Variants in GRID2 observed in about 807,000 individuals in gnomAD.
GRID2 encodes the protein glutamate receptor ionotropic, delta-2.
GRID2 carries 33 observed loss-of-function variants against 114.8 expected under a neutral mutation model. That is an observed-to-expected ratio of 0.29 (90% CI 0.22 to 0.38). The LOEUF is 0.38. Ranked by LOEUF, GRID2 falls within the 10% of genes least tolerant of loss-of-function variation. GRID2 has a pLI of 1.00. For synonymous variants in GRID2, 505 were observed against 449.9 expected, an observed-to-expected ratio of 1.12 and a Z score of -1.55; for missense variants, 1,184 against 1,257.7, an observed-to-expected ratio of 0.94 and a Z score of 0.89.
chr4:93,463,858 G>A lies in GRID2; in HGVS notation c.1858+7884G>A, dbSNP rs575653664. ...CAAAAAATTAGCCAGGCGTGGTGGC[G>A]GGCACCTGTAGTCCCAGCTACTCGG... On this transcript the variant is annotated intron_variant, in intron 11 of 15. Transcript: ENST00000282020. Among the ~76,000 whole-genome samples, 81 of 151,982 alleles carry A rather than the reference G, an allele frequency of 5.3e-4. 1 individual carries two copies. The highest frequency in any genetic ancestry group is 2.6e-4 in the Non-Finnish European group (18 of 67,930).
chr4:93,422,671 A>G (rs1768408562), intron 9 of GRID2, 100 bp from the exon 10 acceptor site: 2 of 730,316 alleles, frequency 2.7e-6, no homozygotes, highest in African/African-American at 3.6e-5. Context: ...TCAAAGTATA[A>G]AACAATTTTT....
chr4:92,642,331 A>G (rs565098280), intron 2 of GRID2, among the ~76,000 whole-genome samples: 10 of 151,876 alleles, frequency 6.6e-5, no homozygotes, highest in African/African-American at 7.2e-5. Flanking sequence ...AATAGTAGCC[A>G]TTCTGACTGG....
At chr4:92,375,632 AT>A (rs147006378) in intron 1 of GRID2, among the ~76,000 whole-genome samples, 18 of 151,944 alleles carry the variant, frequency 1.2e-4, no homozygotes, top group African/African-American at 1.5e-4. Context: ...TGTTGAACAC[AT>A]TTTTTTTGTG....
chr4:92,677,743 T>C (rs1579824212), intron 2 of GRID2, among the ~76,000 whole-genome samples: 2 of 152,118 alleles, frequency 1.3e-5, no homozygotes, highest in East Asian at 3.9e-4. Flanking sequence ...TATCCAGGAT[T>C]AGATCACTTC....
intron 2 of GRID2, among the ~76,000 whole-genome samples, chr4:92,806,245 T>C (rs1466421541): frequency 6.7e-6 from 1 of 150,158 alleles, no homozygotes; most frequent in Non-Finnish European, 1.5e-5. Context: ...TTCGTTACCT[T>C]AAGAGATTCC....
In GRID2 at chr4:92,317,851, C is replaced by T. The variant is rs367937380; in HGVS notation, c.88+13107C>T. On this transcript the variant is annotated intron_variant, in intron 1 of 15. Transcript: ENST00000282020. ...GAATATTATCACTGAAAAAAACTGCCCTCCAGGGGTAATGCTGCTGACAAC... is the reference window on the plus strand; with the variant it reads ...GAATATTATCACTGAAAAAAACTGCTCTCCAGGGGTAATGCTGCTGACAAC... 1.7e-3 allele frequency among the ~76,000 whole-genome samples: 258 copies of T among 152,226 alleles called. 2 individuals are homozygous for T. Among genetic ancestry groups the T allele is most frequent in the African/African-American group, 5.8e-3 (243 of 41,544 alleles).
chr4:92,455,351 G>A (rs1207027597), intron 1 of GRID2, among the ~76,000 whole-genome samples: 3 of 152,058 alleles, frequency 2.0e-5, no homozygotes, highest in Non-Finnish European at 4.4e-5. Flanking sequence ...TATATTCAGA[G>A]AAAATCTTAT....
intron 2 of GRID2, among the ~76,000 whole-genome samples, chr4:92,638,203 C>T (rs1731166210): frequency 6.6e-6 from 1 of 151,506 alleles, no homozygotes; most frequent in Non-Finnish European, 1.5e-5. Flanking sequence ...AAAATAAATA[C>T]ATGAGTGTAA....
At chr4:92,646,924 C>G (rs62309179) in intron 2 of GRID2, among the ~76,000 whole-genome samples, 7,377 of 148,234 alleles carry the variant, frequency 0.05, 298 homozygotes, top group East Asian at 0.14. Flanking sequence ...TTTCCTCAAG[C>G]CTTTATCCTA....
At chr4:92,488,707 C>T (rs894452267) in intron 1 of GRID2, among the ~76,000 whole-genome samples, 4 of 152,122 alleles carry the variant, frequency 2.6e-5, no homozygotes, top group African/African-American at 7.2e-5. Context: ...AAGAACGTAC[C>T]TCTTGTGCCT....
chr4:93,332,621 T>C (rs917507649), intron 8 of GRID2, among the ~76,000 whole-genome samples: 1 of 152,098 alleles, frequency 6.6e-6, no homozygotes, highest in African/African-American at 2.4e-5. Flanking sequence ...AATGTTATAT[T>C]AGCAAAAGAC....
intron 2 of GRID2, among the ~76,000 whole-genome samples, chr4:92,763,095 C>G (rs1256636209): frequency 6.6e-6 from 1 of 152,164 alleles, no homozygotes; most frequent in Admixed American, 6.5e-5. Flanking sequence ...TTTTTACCCT[C>G]TCAGCTAGGT....
At chr4:92,700,156 C>G (rs1473429228) in intron 2 of GRID2, among the ~76,000 whole-genome samples, 2 of 152,106 alleles carry the variant, frequency 1.3e-5, no homozygotes, top group Non-Finnish European at 2.9e-5. Context: ...TAGGAGTTTT[C>G]CTCTCAACAG....
At chr4:92,568,578 A>G (rs1392580734) in intron 1 of GRID2, among the ~76,000 whole-genome samples, 1 of 151,986 alleles carries the variant, frequency 6.6e-6, no homozygotes, top group Non-Finnish European at 1.5e-5. Context: ...GTATTTTTTC[A>G]GTTTTATTTC....
At chr4:93,155,557 A>T (rs1240218043) in intron 4 of GRID2, among the ~76,000 whole-genome samples, 1 of 152,028 alleles carries the variant, frequency 6.6e-6, no homozygotes, top group Admixed American at 6.6e-5. Flanking sequence ...CACTTTATCC[A>T]GTAAAACTGA....
intron 2 of GRID2, among the ~76,000 whole-genome samples, chr4:92,657,138 G>T (rs1186154773): frequency 6.6e-6 from 1 of 151,360 alleles, no homozygotes; most frequent in Non-Finnish European, 1.5e-5. Flanking sequence ...TTTTGGGGAA[G>T]AAAGAGTGAT....
At chr4:92,813,099 C>T (rs1740731901) in intron 2 of GRID2, among the ~76,000 whole-genome samples, 1 of 151,908 alleles carries the variant, frequency 6.6e-6, no homozygotes, top group Non-Finnish European at 1.5e-5. Context: ...ATCTTTATGC[C>T]CTGCAGTTCT....
At chr4:92,977,963 G>C (rs944368029) in intron 2 of GRID2, among the ~76,000 whole-genome samples, 1 of 152,152 alleles carries the variant, frequency 6.6e-6, no homozygotes, top group African/African-American at 2.4e-5. Flanking sequence ...TAGTCAGCTG[G>C]AAGCTCAGAG....
At chr4:92,674,487 T>C (rs1406677412) in intron 2 of GRID2, among the ~76,000 whole-genome samples, 1 of 152,150 alleles carries the variant, frequency 6.6e-6, no homozygotes, top group Non-Finnish European at 1.5e-5. Flanking sequence ...TTTTATCTGA[T>C]GAAATTTTCA....
Sources: allele counts gnomAD v4.1 joint callset (sites outside exome capture counted in the v4.1 genomes callset), GRCh38; gene constraint gnomAD v4.1.1; transcripts MANE v1.5; gene names NCBI Gene and HGNC (gene_info 2026-07-23, HGNC 2026-07-21).